Variants in RHOT1 observed in about 807,000 individuals in gnomAD.
The protein encoded by RHOT1 is mitochondrial Rho GTPase 1.
A neutral mutation model predicts 95.3 loss-of-function variants in RHOT1; 27 were observed. That is an observed-to-expected ratio of 0.28 (90% confidence interval 0.21 to 0.39). RHOT1 has a LOEUF of 0.39. Among genes scored for constraint, RHOT1 ranks in the 10% least tolerant of loss-of-function variants. RHOT1 has a pLI of 1.00. For missense variants in RHOT1, 578 were observed against 786.7 expected (o/e 0.73, Z 3.17); for synonymous variants, 227 against 263.5 (o/e 0.86, Z 1.34).
Position 32,167,413 on chromosome 17 carries a change from G to A in RHOT1, c.38-3630G>A, listed in dbSNP as rs1001111924. 1.3e-4 allele frequency among the ~76,000 whole-genome samples: 20 copies of A among 151,150 alleles called. No individual in the cohort carries two copies. In the South Asian group the frequency reaches 2.5e-3, roughly 19 times the overall value. ...GCAATCTTGGCTCACTGCAAGCTCC[G>A]CCTCCCGGGTTCACACCATTCTCCT... On this transcript the variant is annotated intron_variant, in intron 1 of 19. Transcript: ENST00000545287.
At chr17:32,158,298 C>T (rs1002936359) in intron 1 of RHOT1, among the ~76,000 whole-genome samples, 4 of 152,118 alleles carry the variant, frequency 2.6e-5, no homozygotes, top group Non-Finnish European at 1.5e-5. Context: ...CATGTAGAAG[C>T]GTAAGTTAAT....
At chr17:32,204,838 C>T (rs530471320) in intron 16 of RHOT1, among the ~76,000 whole-genome samples, 3 of 151,930 alleles carry the variant, frequency 2.0e-5, no homozygotes, top group African/African-American at 7.2e-5. Context: ...CAAAAATTAG[C>T]TGGGCGTGGT....
intron 19 of RHOT1, among the ~76,000 whole-genome samples, chr17:32,222,176 G>A (rs2142972382): frequency 6.6e-6 from 1 of 152,294 alleles, no homozygotes; most frequent in Admixed American, 6.5e-5. Context: ...AACCTCTAAT[G>A]CACCTTTACC....
chr17:32,211,284 A>G (rs200985563), intron 19 of RHOT1, 46 bp downstream of exon 19: 1 of 1,518,896 alleles, frequency 6.6e-7, no homozygotes, highest in East Asian at 2.3e-5. Context: ...GTTAAAATAC[A>G]AAAGAAAAAA....
At chr17:32,161,498 A>C (rs1027128500) in intron 1 of RHOT1, among the ~76,000 whole-genome samples, 1 of 152,230 alleles carries the variant, frequency 6.6e-6, no homozygotes, top group African/African-American at 2.4e-5. Flanking sequence ...ATCTTAGCAG[A>C]ATTCAGGTCC....
intron 9 of RHOT1, 83 bp downstream of exon 9, chr17:32,192,382 A>T: frequency 1.3e-6 from 1 of 761,302 alleles, no homozygotes. Flanking sequence ...TGTTAGCTTA[A>T]ACAACAAGAA....
chr17:32,217,825 C>T (rs1264076562), intron 19 of RHOT1, among the ~76,000 whole-genome samples: 1 of 150,790 alleles, frequency 6.6e-6, no homozygotes, highest in Non-Finnish European at 1.5e-5. Context: ...GCAGAGAGTC[C>T]AGAAGACTTT....
intron 19 of RHOT1, among the ~76,000 whole-genome samples, chr17:32,212,776 A>G (rs1255248987): frequency 6.6e-6 from 1 of 151,962 alleles, no homozygotes; most frequent in Non-Finnish European, 1.5e-5. Flanking sequence ...CAACATAGCA[A>G]TCCTTCAGGC....
At chr17:32,166,529 C>T (rs1464281383) in intron 1 of RHOT1, among the ~76,000 whole-genome samples, 1 of 152,230 alleles carries the variant, frequency 6.6e-6, no homozygotes, top group Non-Finnish European at 1.5e-5. Context: ...ATTTTACCCA[C>T]AGTGGAACTT....
intron 10 of RHOT1, among the ~76,000 whole-genome samples, 180 bp downstream of exon 10, chr17:32,193,424 C>T (rs941074974): frequency 2.6e-5 from 4 of 152,084 alleles, no homozygotes; most frequent in Non-Finnish European, 5.9e-5. Flanking sequence ...GGATTATCAT[C>T]TTTACTACCA....
intron 19 of RHOT1, 138 bp downstream of exon 19, chr17:32,211,376 T>C: frequency 2.9e-6 from 2 of 681,512 alleles, no homozygotes; most frequent in Non-Finnish European, 4.4e-6. Flanking sequence ...AAATTCTCAC[T>C]GTGATGACAA....
intron 7 of RHOT1, 31 bp downstream of exon 7, chr17:32,182,896 T>C: frequency 7.5e-7 from 1 of 1,331,684 alleles, no homozygotes; most frequent in Non-Finnish European, 1.1e-6. Context: ...TGAAAATTTA[T>C]TTTTAATGAA....
chr17:32,149,274 A>G (rs1225789778), intron 1 of RHOT1, among the ~76,000 whole-genome samples: 1 of 151,544 alleles, frequency 6.6e-6, no homozygotes, highest in Non-Finnish European at 1.5e-5. Flanking sequence ...TATAAAATAC[A>G]ATGTTTTATA....
intron 1 of RHOT1, among the ~76,000 whole-genome samples, chr17:32,157,882 T>C (rs1173460958): frequency 6.6e-6 from 1 of 152,140 alleles, no homozygotes; most frequent in Admixed American, 6.5e-5. Flanking sequence ...TTTTTCTTCC[T>C]AGAGACCAAG....
chr17:32,192,332 C>CTTTTTTTT (rs397857197), intron 9 of RHOT1, 33 bp downstream of exon 9: 4 of 542,668 alleles, frequency 7.4e-6, no homozygotes, highest in East Asian at 3.6e-5. Flanking sequence ...ATTTGCGTAT[C>CTTTTTTTT]TTTTTTTTTT....
intron 1 of RHOT1, chr17:32,151,143 C>T (rs1256725478): frequency 2.5e-6 from 2 of 809,574 alleles, no homozygotes; most frequent in Non-Finnish European, 4.5e-6. Context: ...GGGTTCTTTA[C>T]TGTTGACTCT....
intron 14 of RHOT1, 75 bp from the exon 15 acceptor site, chr17:32,202,695 C>CA (rs1270571093): frequency 8.9e-7 from 1 of 1,127,586 alleles, no homozygotes; most frequent in Non-Finnish European, 1.2e-6. Context: ...CCCTATTTTG[C>CA]AAAAGGTGGA....
chr17:32,186,363 C>CTT (rs1275553499), intron 8 of RHOT1, among the ~76,000 whole-genome samples: 1 of 147,336 alleles, frequency 6.8e-6, no homozygotes, highest in African/African-American at 2.5e-5. Flanking sequence ...AGTCCTTTCC[C>CTT]ATTTTTTTTT....
chr17:32,152,644 T>C (rs529672002), intron 1 of RHOT1, among the ~76,000 whole-genome samples: 2 of 150,800 alleles, frequency 1.3e-5, no homozygotes, highest in South Asian at 4.2e-4. Context: ...TTAAGGGCCA[T>C]GGTGAGGGAG....
Sources: gnomAD v4.1 joint callset for allele counts (sites outside exome capture counted in the v4.1 genomes callset) on GRCh38, gnomAD v4.1.1 for gene constraint, MANE v1.5 for transcripts, NCBI Gene and HGNC (gene_info 2026-07-23, HGNC 2026-07-21) for gene names.